ANKRD11: variants seen among roughly 807,000 people sequenced by gnomAD.
ANKRD11 encodes the protein ankyrin repeat domain-containing protein 11.
ANKRD11 carries 17 observed loss-of-function variants against 195.7 expected under a neutral mutation model. The ratio of observed to expected loss-of-function variants is 0.09; its 90% CI spans 0.06 to 0.13. The LOEUF is 0.13. Among genes scored for constraint, ANKRD11 ranks in the 10% least tolerant of loss-of-function variants. The pLI is 1.00. For synonymous variants in ANKRD11, 1,953 were observed against 1,528.1 expected, an observed-to-expected ratio of 1.28 and a Z score of -6.49; for missense variants, 3,735 against 3,566.1, an observed-to-expected ratio of 1.05 and a Z score of -1.21.
intron 1 of ANKRD11, among the ~76,000 whole-genome samples, chr16:89,475,580 G>C (rs1188299357): frequency 6.6e-6 from 1 of 152,126 alleles, no homozygotes; most frequent in African/African-American, 2.4e-5. Flanking sequence ...CCACACAAAA[G>C]ATAATTTTTC....
chr16:89,389,844 G>A (rs1234406189), intron 2 of ANKRD11, among the ~76,000 whole-genome samples: 14 of 145,464 alleles, frequency 9.6e-5, no homozygotes, highest in Admixed American at 2.0e-4. Flanking sequence ...CGAGTGTGGC[G>A]GGGAGCACCG....
chr16:89,392,075 G>A (rs1324538595), intron 2 of ANKRD11, among the ~76,000 whole-genome samples: 1 of 152,076 alleles, frequency 6.6e-6, no homozygotes, highest in Admixed American at 6.5e-5. Flanking sequence ...TAAGTTGCTA[G>A]CCAATCGGGA....
intron 2 of ANKRD11, among the ~76,000 whole-genome samples, chr16:89,317,539 C>T (rs1196123512): frequency 6.6e-6 from 1 of 152,172 alleles, no homozygotes; most frequent in East Asian, 1.9e-4. Context: ...CCTCACGCCC[C>T]ACTCACCACC....
intron 1 of ANKRD11, among the ~76,000 whole-genome samples, chr16:89,443,866 G>A (rs1328084429): frequency 6.6e-6 from 1 of 152,226 alleles, no homozygotes; most frequent in Non-Finnish European, 1.5e-5. Flanking sequence ...TGGGAGGGCA[G>A]GGGCTTGTCT....
intron 2 of ANKRD11, among the ~76,000 whole-genome samples, chr16:89,405,521 C>T (rs1427095869): frequency 1.4e-5 from 2 of 138,092 alleles, no homozygotes; most frequent in South Asian, 4.6e-4. Flanking sequence ...TTGGTAGAGA[C>T]AGGGTTCTCA....
chr16:89,426,529 T>TCTCA (rs138933546), intron 1 of ANKRD11, among the ~76,000 whole-genome samples: 14 of 142,258 alleles, frequency 9.8e-5, no homozygotes, highest in Admixed American at 7.1e-4. Flanking sequence ...CACTTAAACA[T>TCTCA]CACACACACA....
chr16:89,293,288 G>A (rs1280857112), intron 4 of ANKRD11, among the ~76,000 whole-genome samples: 4 of 152,170 alleles, frequency 2.6e-5, no homozygotes, highest in African/African-American at 7.2e-5. Flanking sequence ...GGAGACTCCT[G>A]GGAGCAGACG....
intron 2 of ANKRD11, among the ~76,000 whole-genome samples, chr16:89,334,166 A>AC (rs1279359665): frequency 1.4e-5 from 2 of 145,930 alleles, no homozygotes; most frequent in African/African-American, 2.5e-5. Flanking sequence ...AAAAAAAAAA[A>AC]AAAAAAACAG....
At chr16:89,332,943 G>A (rs2038142860) in intron 2 of ANKRD11, among the ~76,000 whole-genome samples, 1 of 152,222 alleles carries the variant, frequency 6.6e-6, no homozygotes, top group South Asian at 2.1e-4. Context: ...CAAGAAACGA[G>A]CTGCAACAGA....
At chr16:89,270,660 G>A in intron 12 of ANKRD11, 157 bp downstream of exon 12, 2 of 760,048 alleles carry the variant, frequency 2.6e-6, no homozygotes, top group Non-Finnish European at 4.5e-6. Context: ...CTCCCCGAAA[G>A]CATCGGCCAG....
At chr16:89,278,907 TTTGCCTCCACAGCA>T in intron 9 of ANKRD11, 151 bp downstream of exon 9, 2 of 1,203,854 alleles carry the variant, frequency 1.7e-6, no homozygotes, top group Non-Finnish European at 2.4e-6. Context: ...GCTTCCGGCT[TTTGCCTCCACAGCA>T]GAAGTGGGGC....
intron 11 of ANKRD11, chr16:89,273,151 A>G (rs1282196609): frequency 6.6e-6 from 1 of 152,082 alleles, no homozygotes; most frequent in Non-Finnish European, 1.5e-5. Flanking sequence ...AAAATAACAT[A>G]TAAGAGCGTT....
intron 2 of ANKRD11, among the ~76,000 whole-genome samples, chr16:89,348,673 C>G (rs918722): frequency 0.56 from 85,557 of 151,982 alleles, 24,320 homozygotes; most frequent in Middle Eastern, 0.66. Flanking sequence ...GTAAGCTGAA[C>G]TAGTTTAAGT....
At chr16:89,436,529 C>T (rs1225770950) in intron 1 of ANKRD11, among the ~76,000 whole-genome samples, 2 of 152,180 alleles carry the variant, frequency 1.3e-5, no homozygotes, top group African/African-American at 2.4e-5. Context: ...CCTCAAGCGA[C>T]GTCTGCCTTG....
intron 9 of ANKRD11, chr16:89,278,660 G>A (rs535302983): frequency 4.3e-6 from 2 of 467,634 alleles, no homozygotes; most frequent in East Asian, 1.3e-4. Flanking sequence ...GGAGGCTCAG[G>A]GAACCCACGC....
chr16:89,297,586 T>C (rs377068566), intron 4 of ANKRD11: 7 of 152,288 alleles, frequency 4.6e-5, no homozygotes, highest in African/African-American at 1.7e-4. Context: ...AACGCCAAGT[T>C]CCTACCCGGG....
At chr16:89,414,020 C>A (rs2042200276) in intron 2 of ANKRD11, among the ~76,000 whole-genome samples, 1 of 149,394 alleles carries the variant, frequency 6.7e-6, no homozygotes, top group Non-Finnish European at 1.5e-5. Flanking sequence ...CCAGCCACCA[C>A]CACGGGCCTG....
At chr16:89,408,208 C>T (rs1007640492) in intron 2 of ANKRD11, among the ~76,000 whole-genome samples, 3 of 152,210 alleles carry the variant, frequency 2.0e-5, no homozygotes, top group African/African-American at 7.2e-5. Context: ...GGCCAAGAAA[C>T]TCCCTGAGAG....
chr16:89,384,570 TGGGACGGGAC>T (rs1213921883), intron 2 of ANKRD11, among the ~76,000 whole-genome samples: 1 of 150,412 alleles, frequency 6.6e-6, no homozygotes, highest in East Asian at 2.0e-4. Flanking sequence ...TGGGACAGGA[TGGGACGGGAC>T]GGGATGGGGC....
Sources: allele counts gnomAD v4.1 joint callset (sites outside exome capture counted in the v4.1 genomes callset), GRCh38; gene constraint gnomAD v4.1.1; transcripts MANE v1.5; gene names NCBI Gene and HGNC (gene_info 2026-07-23, HGNC 2026-07-21).